SFMBT2: variants seen among roughly 807,000 people sequenced by gnomAD.
SFMBT2 encodes the protein scm-like with four MBT domains protein 2.
SFMBT2 carries 38 observed loss-of-function variants against 110.1 expected under a neutral mutation model. That is an observed-to-expected ratio of 0.35 (90% CI 0.27 to 0.45). The LOEUF is 0.45. Ranked by LOEUF, SFMBT2 falls within the 20% of genes least tolerant of loss-of-function variation. The pLI, the probability that SFMBT2 is intolerant of heterozygous loss-of-function variation, is 1.00. For synonymous variants in SFMBT2, 425 were observed against 425.4 expected (o/e 1.00, Z 0.01); for missense variants, 1,011 against 1,094.9 (o/e 0.92, Z 1.08).
At chr10:7,304,881 T>C (rs1588433227) in intron 4 of SFMBT2, among the ~76,000 whole-genome samples, 1 of 152,168 alleles carries the variant, frequency 6.6e-6, no homozygotes, top group East Asian at 1.9e-4. Flanking sequence ...TCCATGTCAG[T>C]CACCTCCTAA....
At chr10:7,275,004 G>A (rs1841724620) in intron 7 of SFMBT2, among the ~76,000 whole-genome samples, 1 of 152,070 alleles carries the variant, frequency 6.6e-6, no homozygotes, top group Non-Finnish European at 1.5e-5. Flanking sequence ...TGAGGACAGT[G>A]CCCACTTCCC....
chr10:7,185,480 A>G (rs1838372806), intron 16 of SFMBT2, among the ~76,000 whole-genome samples: 1 of 152,234 alleles, frequency 6.6e-6, no homozygotes, highest in Admixed American at 6.5e-5. Flanking sequence ...GTAAAAGCAC[A>G]CACAAAATTA....
intron 1 of SFMBT2, among the ~76,000 whole-genome samples, chr10:7,404,459 AACTC>A (rs1044983533): frequency 6.6e-6 from 1 of 152,174 alleles, no homozygotes; most frequent in African/African-American, 2.4e-5. Flanking sequence ...TACAGGGAAA[AACTC>A]ACAAGATGAA....
At chr10:7,320,310 C>A (rs534805316) in intron 4 of SFMBT2, among the ~76,000 whole-genome samples, 2 of 152,188 alleles carry the variant, frequency 1.3e-5, no homozygotes, top group Non-Finnish European at 2.9e-5. Context: ...CCTCAAAGTA[C>A]TTCCAATCAT....
chr10:7,411,001 G>T lies in SFMBT2; in HGVS notation c.-192C>A, dbSNP rs1479880384. ...CCGCCTCCCTCGCGCGCCCGCTCCG[G>T]TCCTCCGGCTCCCACTACAGCTCAT... On this transcript the variant is annotated 5_prime_UTR_variant, in exon 1 of 21. Transcript: ENST00000397167. Among the ~76,000 whole-genome samples, 1 of 148,104 alleles carries T rather than the reference G, an allele frequency of 6.8e-6. No homozygotes were observed. Among genetic ancestry groups the T allele is most frequent in the Non-Finnish European group, 1.5e-5 (1 of 67,364 alleles).
rs1429965305 is a variant in SFMBT2, at chr10:7,213,695, G to GCGGGCAC, written c.1330+6715_1330+6716insGTGCCCG. On this transcript the variant is annotated intron_variant, in intron 11 of 20. Transcript: ENST00000397167. Reference sequence around the variant, plus strand: ...GAGTTGTGAGTGTGAGGCCATGGGTGTGGGCACTCAGATCCGTGTGCGAGG... The same window carrying GCGGGCAC: ...GAGTTGTGAGTGTGAGGCCATGGGTGCGGGCACTGGGCACTCAGATCCGTGTGCGAGG... Among the ~76,000 whole-genome samples the GCGGGCAC allele has an allele frequency of 9.2e-3, 1,189 of 129,310 alleles. 18 individuals carry two copies. Among genetic ancestry groups the GCGGGCAC allele is most frequent in the South Asian group, 0.021 (90 of 4,280 alleles). The allele number at this position is 129,310 out of a possible 152,430, so 84.8% of individuals were successfully genotyped here.
intron 16 of SFMBT2, among the ~76,000 whole-genome samples, chr10:7,186,030 A>G (rs1283285412): frequency 1.3e-5 from 2 of 152,214 alleles, no homozygotes; most frequent in African/African-American, 2.4e-5. Context: ...TGTTGAAGGT[A>G]ATAATGATAG....
intron 3 of SFMBT2, chr10:7,368,488 A>G (rs1844973436): frequency 3.2e-6 from 1 of 315,246 alleles, no homozygotes; most frequent in Non-Finnish European, 4.6e-6. Context: ...GAGATGACAG[A>G]CTTATCAATC....
At chr10:7,371,920 ATTT>A (rs762872004) in intron 2 of SFMBT2, among the ~76,000 whole-genome samples, 4 of 77,740 alleles carry the variant, frequency 5.1e-5, no homozygotes, top group Non-Finnish European at 9.1e-5. Flanking sequence ...TCCACCTGTA[ATTT>A]TTTTTTTTTT....
At chr10:7,353,563 T>C (rs1393022593) in intron 4 of SFMBT2, among the ~76,000 whole-genome samples, 1 of 151,626 alleles carries the variant, frequency 6.6e-6, no homozygotes, top group Non-Finnish European at 1.5e-5. Context: ...TGAAAACTGG[T>C]CCTCAAGCTT....
chr10:7,305,166 CA>C (rs1464054388), intron 4 of SFMBT2, among the ~76,000 whole-genome samples: 2 of 152,172 alleles, frequency 1.3e-5, no homozygotes, highest in Non-Finnish European at 2.9e-5. Context: ...TACTGAATCT[CA>C]AAAATAAACC....
intron 1 of SFMBT2, 106 bp from the exon 2 acceptor site, chr10:7,382,055 T>C (rs988354856): frequency 3.7e-6 from 2 of 542,410 alleles, no homozygotes; most frequent in Non-Finnish European, 6.2e-6. Flanking sequence ...CCACTACCAT[T>C]TCATTATAAC....
At chr10:7,314,862 C>G (rs551792255) in intron 4 of SFMBT2, among the ~76,000 whole-genome samples, 38 of 149,468 alleles carry the variant, frequency 2.5e-4, no homozygotes, top group Non-Finnish European at 5.3e-4. Flanking sequence ...GAGCCGAGAT[C>G]GTGTCACTGC....
intron 4 of SFMBT2, among the ~76,000 whole-genome samples, chr10:7,344,916 G>A (rs368304802): frequency 3.5e-3 from 466 of 133,924 alleles, no homozygotes; most frequent in Middle Eastern, 0.013. Context: ...CCGAGATTGC[G>A]CCACTGCACT....
At chr10:7,318,780 A>G (rs1371504807) in intron 4 of SFMBT2, among the ~76,000 whole-genome samples, 2 of 152,274 alleles carry the variant, frequency 1.3e-5, no homozygotes, top group Non-Finnish European at 2.9e-5. Flanking sequence ...GTTATCAGAC[A>G]ATAAAAATGC....
chr10:7,353,604 T>C (rs566924933), intron 4 of SFMBT2, among the ~76,000 whole-genome samples: 2 of 152,334 alleles, frequency 1.3e-5, no homozygotes, highest in Middle Eastern at 3.4e-3. Context: ...TACAAGAATC[T>C]TGAAGAACTC....
intron 7 of SFMBT2, among the ~76,000 whole-genome samples, chr10:7,263,303 G>A (rs1043963222): frequency 1.3e-5 from 2 of 151,950 alleles, no homozygotes; most frequent in Admixed American, 6.6e-5. Context: ...GTACAATGGC[G>A]CGATCTCAGC....
At chr10:7,211,642 G>A (rs767104218) in intron 11 of SFMBT2, among the ~76,000 whole-genome samples, 5 of 152,082 alleles carry the variant, frequency 3.3e-5, no homozygotes, top group Non-Finnish European at 5.9e-5. Flanking sequence ...GGAAAATACT[G>A]TTGCTGTATT....
chr10:7,301,820 C>T lies in SFMBT2; in HGVS notation c.437-15866G>A, dbSNP rs144895416. On this transcript the variant is annotated intron_variant, in intron 4 of 20. Coordinates refer to ENST00000397167, the MANE Select transcript of SFMBT2 (RefSeq NM_001387889.1). This position sits in a 1 kb window ranked among gnomAD's most constrained non-coding sequence, Gnocchi z 4.2. ...GCTGAAAGAAAAGGGAGGAGAACTG[C>T]GTGGCTCTAGACTATCGAAGGGGAA... is the stretch of plus-strand genomic sequence containing the variant. Among the ~76,000 whole-genome samples, 623 of 152,060 alleles carry T rather than the reference C, an allele frequency of 4.1e-3. 5 individuals carry two copies. The highest frequency in any genetic ancestry group is 0.014 in the African/African-American group (571 of 41,474).
Sources: allele counts gnomAD v4.1 joint callset (sites outside exome capture counted in the v4.1 genomes callset), GRCh38; gene constraint gnomAD v4.1.1; non-coding constraint Gnocchi (gnomAD v3.1); transcripts MANE v1.5; gene names NCBI Gene and HGNC (gene_info 2026-07-23, HGNC 2026-07-21).